Variants in GRB10 observed in about 807,000 individuals in gnomAD.
GRB10 encodes the protein growth factor receptor bound protein 10, also known as growth factor receptor-bound protein 10.
A neutral mutation model predicts 80.9 loss-of-function variants in GRB10; 20 were observed. The ratio of observed to expected loss-of-function variants is 0.25; its 90% CI spans 0.17 to 0.36. The LOEUF (loss-of-function observed/expected upper bound fraction) is 0.36. GRB10 is among the 10% of genes least tolerant of loss of function. The probability of loss-of-function intolerance (pLI) is 1.00; values close to 1 mark genes in which losing one functional copy is unlikely to be tolerated. For missense variants in GRB10, 548 were observed against 747.7 expected, an observed-to-expected ratio of 0.73 and a Z score of 3.12; for synonymous variants, 291 against 291.5, an observed-to-expected ratio of 1.00 and a Z score of 0.02.
At chr7:50,672,738 C>T (rs1353173011) in intron 6 of GRB10, among the ~76,000 whole-genome samples, 6 of 152,344 alleles carry the variant, frequency 3.9e-5, no homozygotes, top group East Asian at 1.9e-4. Context: ...CCAGCCCACC[C>T]TCGGGCACCT....
In GRB10 at chr7:50,650,005, C is replaced by T. The variant is rs181699075; in HGVS notation, c.504+19717G>A. ...TCATGAGCAGAGAGATGGCATCTGA[C>T]GGCATGGGGCCAGATGCAGTCTCTC... is the stretch of plus-strand genomic sequence containing the variant. On this transcript the variant is annotated intron_variant, in intron 7 of 18. Coordinates refer to ENST00000401949, the MANE Select transcript of GRB10 (RefSeq NM_001350814.2). Among the ~76,000 whole-genome samples, 9 of 152,244 alleles carry T rather than the reference C, an allele frequency of 5.9e-5. No individual in the cohort carries two copies. In the East Asian group the frequency reaches 1.5e-3, roughly 26 times the overall value.
chr7:50,784,824 G>C (rs1463351221), upstream of GRB10, among the ~76,000 whole-genome samples: 1 of 152,206 alleles, frequency 6.6e-6, no homozygotes, highest in African/African-American at 2.4e-5. Context: ...ATACTCAGTG[G>C]AAGCCCAGAA....
At chr7:50,637,253 C>A (rs2529428) in intron 7 of GRB10, among the ~76,000 whole-genome samples, 80,139 of 152,048 alleles carry the variant, frequency 0.53, 21,259 homozygotes, top group Admixed American at 0.54. Flanking sequence ...CAGGTGTGAG[C>A]CACTGCCTTA....
chr7:50,625,504 T>C (rs2052714544), intron 8 of GRB10, among the ~76,000 whole-genome samples: 1 of 152,204 alleles, frequency 6.6e-6, no homozygotes, highest in African/African-American at 2.4e-5. Context: ...TTGACAGCCT[T>C]ATCAGACCAC....
At chr7:50,749,816 G>A (rs73113855) in intron 3 of GRB10, among the ~76,000 whole-genome samples, 9,950 of 152,240 alleles carry the variant, frequency 0.065, 719 homozygotes, top group Admixed American at 0.18. Flanking sequence ...CCTCCATCCC[G>A]TCTTTGGGCC....
chr7:50,630,285 C>A (rs554742846), intron 7 of GRB10, among the ~76,000 whole-genome samples: 3 of 152,350 alleles, frequency 2.0e-5, no homozygotes, highest in East Asian at 1.9e-4. Flanking sequence ...TGGCCATAAC[C>A]ATGCTTCATC....
At chr7:50,695,604 C>T (rs750956167) in intron 5 of GRB10, among the ~76,000 whole-genome samples, 4 of 152,110 alleles carry the variant, frequency 2.6e-5, no homozygotes, top group South Asian at 2.1e-4. Flanking sequence ...TGCTGGACTC[C>T]GTGAGTTCTA....
Position 50,626,913 on chromosome 7 carries a change from G to A in GRB10, c.570C>T (p.Ala190=). 5.6e-6 allele frequency: 9 copies of A among 1,614,122 alleles called. No homozygotes were observed. The highest frequency in any genetic ancestry group is 6.8e-6 in the Non-Finnish European group (8 of 1,180,012). The change falls in exon 8 of 19, where the codon GCC becomes GCT. Residue 190 remains alanine, a synonymous_variant. Transcript: ENST00000401949. ...AAACCAGCAATTGGCACAGGTCTCT[G>A]GCTGTCATGTCTGCTAGAATCTCCA... is the stretch of plus-strand genomic sequence containing the variant. The part of the protein sequence containing the change: ...KVVEILADMT[A]RDLCQLLVYK...
chr7:50,630,364 A>G (rs2053776550), intron 7 of GRB10, among the ~76,000 whole-genome samples: 1 of 152,182 alleles, frequency 6.6e-6, no homozygotes. Context: ...CATCTGTAAA[A>G]TGGAAATCTG....
At chr7:50,656,220 G>A (rs866369454) in intron 7 of GRB10, among the ~76,000 whole-genome samples, 1 of 152,194 alleles carries the variant, frequency 6.6e-6, no homozygotes, top group African/African-American at 2.4e-5. Flanking sequence ...AGTGTGAGAT[G>A]TGCACACATG....
intron 5 of GRB10, among the ~76,000 whole-genome samples, chr7:50,703,581 C>T (rs995228510): frequency 3.9e-5 from 6 of 152,166 alleles, no homozygotes; most frequent in African/African-American, 1.2e-4. Context: ...CTAGATAACT[C>T]GTATGAAACT....
intron 7 of GRB10, among the ~76,000 whole-genome samples, chr7:50,652,280 G>A (rs574383486): frequency 2.6e-5 from 4 of 152,278 alleles, no homozygotes; most frequent in Admixed American, 2.6e-4. Flanking sequence ...TTAAGTACCT[G>A]AGACCTGGTG....
At chr7:50,645,874 G>A (rs749179383) in intron 7 of GRB10, among the ~76,000 whole-genome samples, 14 of 152,174 alleles carry the variant, frequency 9.2e-5, no homozygotes, top group Non-Finnish European at 1.5e-4. Context: ...GCCACATTGC[G>A]AGGAACTGCA....
At chr7:50,744,443 A>G (rs958666010) in intron 3 of GRB10, among the ~76,000 whole-genome samples, 7 of 152,288 alleles carry the variant, frequency 4.6e-5, no homozygotes, top group Non-Finnish European at 8.8e-5. Flanking sequence ...CATGCAGTTA[A>G]AAGTTCATGT....
chr7:50,664,298 C>T (rs975901037), intron 7 of GRB10, among the ~76,000 whole-genome samples: 1 of 152,222 alleles, frequency 6.6e-6, no homozygotes, highest in African/African-American at 2.4e-5. Context: ...ACACATGGCT[C>T]CCCTCAGCCT....
intron 2 of GRB10, among the ~76,000 whole-genome samples, chr7:50,757,871 A>C (rs1427905722): frequency 1.3e-5 from 2 of 152,216 alleles, no homozygotes; most frequent in African/African-American, 2.4e-5. Flanking sequence ...ACCACTTCCC[A>C]AGGCATCTTC....
chr7:50,725,380 C>T (rs180906076), intron 4 of GRB10, among the ~76,000 whole-genome samples: 105 of 152,260 alleles, frequency 6.9e-4, no homozygotes, highest in African/African-American at 2.4e-4. Context: ...GTACAGGCTG[C>T]GGAACTATGA....
intron 18 of GRB10, among the ~76,000 whole-genome samples, chr7:50,594,603 A>C (rs2153559711): frequency 6.6e-6 from 1 of 152,262 alleles, no homozygotes; most frequent in East Asian, 1.9e-4. Context: ...GCATTTCACA[A>C]ACATTATCAT....
chr7:50,736,574 C>A (rs1361811625), intron 3 of GRB10, among the ~76,000 whole-genome samples: 1 of 152,154 alleles, frequency 6.6e-6, no homozygotes, highest in Non-Finnish European at 1.5e-5. Flanking sequence ...AGGTGGATTG[C>A]TTGAGCCCAG....
Sources: gnomAD v4.1 joint callset for allele counts (sites outside exome capture counted in the v4.1 genomes callset) on GRCh38, gnomAD v4.1.1 for gene constraint, MANE v1.5 for transcripts, NCBI Gene and HGNC (gene_info 2026-07-23, HGNC 2026-07-21) for gene names.